The following PMFBP1 variants were observed in gnomAD, a reference collection of about 807,000 sequenced individuals.
PMFBP1 encodes the protein polyamine modulated factor 1 binding protein 1.
PMFBP1 carries 131 observed loss-of-function variants against 137.8 expected under a neutral mutation model. That is an observed-to-expected ratio of 0.95 (90% CI 0.82 to 1.10). The LOEUF is 1.10. PMFBP1 is among the 50% of genes least tolerant of loss of function. PMFBP1 has a pLI of 0.00. For missense variants in PMFBP1, 1,199 were observed against 1,175.4 expected (o/e 1.02, Z -0.29); for synonymous variants, 490 against 450.4 (o/e 1.09, Z -1.11).
At chr16:72,149,442 C>T (rs1032224139) in intron 5 of PMFBP1, among the ~76,000 whole-genome samples, 3 of 152,120 alleles carry the variant, frequency 2.0e-5, no homozygotes, top group African/African-American at 2.4e-5. Flanking sequence ...AATTACAGCT[C>T]GTTTGTAAAA....
At chr16:72,172,157 G>A (rs577934456), upstream of PMFBP1, 1 of 152,198 alleles carries the variant, frequency 6.6e-6, no homozygotes, top group African/African-American at 2.4e-5. Flanking sequence ...AAGAATGTTG[G>A]TGATATGTGG....
At chr16:72,200,438 G>T in the PMFBP1 span, among the ~76,000 whole-genome samples, 1 of 152,182 alleles carries the variant, frequency 6.6e-6, no homozygotes, top group South Asian at 2.1e-4. Flanking sequence ...GAAGGTTCTG[G>T]GAGGACATCT....
chr16:72,143,377 G>A (rs376897382), intron 5 of PMFBP1, among the ~76,000 whole-genome samples: 2 of 152,340 alleles, frequency 1.3e-5, no homozygotes, highest in African/African-American at 4.8e-5. Context: ...ATCCAAGACA[G>A]TCAAGTGAAA....
At chr16:72,247,713 T>C in the PMFBP1 span, among the ~76,000 whole-genome samples, 5 of 152,234 alleles carry the variant, frequency 3.3e-5, no homozygotes, top group South Asian at 8.3e-4. Context: ...TTTTTGCTCA[T>C]ATTCATATAA....
intron 19 of PMFBP1, among the ~76,000 whole-genome samples, chr16:72,122,153 G>A (rs1429035472): frequency 6.6e-6 from 1 of 152,126 alleles, no homozygotes; most frequent in Non-Finnish European, 1.5e-5. Context: ...GTGGTACTTG[G>A]TTTTCTATTC....
At chr16:72,154,147 G>A in intron 4 of PMFBP1, 64 bp downstream of exon 4, 1 of 1,579,114 alleles carries the variant, frequency 6.3e-7, no homozygotes, top group Non-Finnish European at 8.6e-7. Flanking sequence ...TTTCTAGTGG[G>A]CTTGGTCTGA....
At chr16:72,172,915 G>C (rs2043234554), upstream of PMFBP1, among the ~76,000 whole-genome samples, 1 of 152,200 alleles carries the variant, frequency 6.6e-6, no homozygotes, top group African/African-American at 2.4e-5. Flanking sequence ...CCTTCAATTT[G>C]TTAAAAATGC....
chr16:72,208,648 C>A, the PMFBP1 span, among the ~76,000 whole-genome samples: 570 of 152,312 alleles, frequency 3.7e-3, 3 homozygotes, highest in Non-Finnish European at 6.2e-3. Flanking sequence ...AAGATGCATG[C>A]CACTTACAAG....
chr16:72,212,809 AG>A, the PMFBP1 span, among the ~76,000 whole-genome samples: 1 of 152,246 alleles, frequency 6.6e-6, no homozygotes, highest in Admixed American at 6.5e-5. Flanking sequence ...GTTAAAAAAA[AG>A]ATCCTGAAAG....
chr16:72,117,834 C>T (rs2042324141), downstream of PMFBP1, among the ~76,000 whole-genome samples: 1 of 152,210 alleles, frequency 6.6e-6, no homozygotes. Flanking sequence ...CACTCAGTTT[C>T]CCTGCCCTTC....
intron 6 of PMFBP1, among the ~76,000 whole-genome samples, chr16:72,140,181 C>G (rs574794234): frequency 6.6e-6 from 1 of 152,146 alleles, no homozygotes; most frequent in Non-Finnish European, 1.5e-5. Flanking sequence ...CACTGATGGG[C>G]AGTTAGGTTG....
At chr16:72,145,775 T>A (rs1020224199) in intron 5 of PMFBP1, among the ~76,000 whole-genome samples, 3 of 151,998 alleles carry the variant, frequency 2.0e-5, no homozygotes, top group African/African-American at 7.2e-5. Context: ...AACTAGAAAA[T>A]CTAGAAGAAA....
At chr16:72,186,931 G>A in the PMFBP1 span, among the ~76,000 whole-genome samples, 2 of 151,890 alleles carry the variant, frequency 1.3e-5, no homozygotes, top group Non-Finnish European at 2.9e-5. Flanking sequence ...TGGCCAACAT[G>A]GCAAAACCCC....
At chr16:72,153,554 G>T (rs920423602) in intron 4 of PMFBP1, among the ~76,000 whole-genome samples, 2 of 152,028 alleles carry the variant, frequency 1.3e-5, no homozygotes, top group Non-Finnish European at 2.9e-5. Context: ...TGCTCAAGTG[G>T]TTTTAGTGCT....
chr16:72,222,149 GT>G, the PMFBP1 span, among the ~76,000 whole-genome samples: 2 of 152,082 alleles, frequency 1.3e-5, no homozygotes, highest in African/African-American at 4.8e-5. Flanking sequence ...GGTTGGTTGG[GT>G]TTTTTTGAGT....
At chr16:72,238,688 T>C in the PMFBP1 span, among the ~76,000 whole-genome samples, 1 of 152,202 alleles carries the variant, frequency 6.6e-6, no homozygotes, top group Non-Finnish European at 1.5e-5. Context: ...TTTGAGCATA[T>C]TTTCAGAAAC....
In PMFBP1 at chr16:72,140,567, C is replaced by A; in HGVS notation, c.652G>T (p.Gly218Cys). ...TATATCCGTACCTTTGAATGATCAC[C>A]CTTGTTCTCAGGCTCCTGAGAGATT... ...GIMGQEPENK[G>C]DHSKVRIYTS... Residue 218 changes from glycine to cysteine, a missense_variant, in exon 6 of 21, where the codon GGT becomes TGT. Physicochemically the swap from Gly to Cys is radical, Grantham distance 159. Coordinates refer to ENST00000237353, the MANE Select transcript of PMFBP1 (RefSeq NM_031293.3). 1 of 1,613,140 alleles carries A rather than the reference C, an allele frequency of 6.2e-7. No individual in the cohort carries two copies. Among genetic ancestry groups the A allele is most frequent in the East Asian group, 2.2e-5 (1 of 44,850 alleles).
the PMFBP1 span, among the ~76,000 whole-genome samples, chr16:72,240,493 T>C: frequency 6.6e-6 from 1 of 152,264 alleles, no homozygotes; most frequent in South Asian, 2.1e-4. Context: ...AGATGTTCGT[T>C]AGCATTTTGG....
At chr16:72,204,168 T>C in the PMFBP1 span, among the ~76,000 whole-genome samples, 1 of 151,688 alleles carries the variant, frequency 6.6e-6, no homozygotes, top group Non-Finnish European at 1.5e-5. Context: ...ACTTTCTTCT[T>C]GTGTTATTGT....
Sources: allele counts gnomAD v4.1 joint callset (sites outside exome capture counted in the v4.1 genomes callset), GRCh38; gene constraint gnomAD v4.1.1; transcripts MANE v1.5; gene names NCBI Gene and HGNC (gene_info 2026-07-23, HGNC 2026-07-21).